The following UGT2A2 variants were observed in gnomAD, a reference collection of about 807,000 sequenced individuals.
The protein encoded by UGT2A2 is UDP glucuronosyltransferase family 2 member A2.
Under a neutral mutation model 50.7 loss-of-function variants are expected in UGT2A2, and 60 were observed. That is an observed-to-expected ratio of 1.18 (90% confidence interval 0.96 to 1.47). UGT2A2 has a LOEUF of 1.47. UGT2A2 is among the 40% of genes most tolerant of loss of function. UGT2A2 has a pLI of 0.00. For synonymous variants in UGT2A2, 242 were observed against 214.6 expected (o/e 1.13, Z -1.11); for missense variants, 762 against 634.0 (o/e 1.20, Z -2.17).
At position 69,639,632 on chromosome 4, in the gene UGT2A2, G is replaced by A. The variant is rs746988735; in HGVS notation, c.9C>T (p.Ser3=). 1 of 1,577,372 alleles carries A rather than the reference G, an allele frequency of 6.3e-7. No individual in the cohort carries two copies. Among genetic ancestry groups the A allele is most frequent in the Non-Finnish European group, 8.6e-7 (1 of 1,166,610 alleles). Residue 3 remains serine, a synonymous_variant, in exon 1 of 6, where the codon TCC becomes TCT. Transcript: ENST00000604629. MV[S]IRDFTMPKKF... The stretch of plus-strand genomic sequence containing the variant: ...TCTTAGGCATGGTAAAATCCCTTAT[G>A]GAAACCATCCTACTGTAGATCCTTC...
At chr4:69,614,341 T>C (rs1326604343) in intron 1 of UGT2A2, among the ~76,000 whole-genome samples, 1 of 151,816 alleles carries the variant, frequency 6.6e-6, no homozygotes, top group Non-Finnish European at 1.5e-5. Flanking sequence ...AAAATGAAAA[T>C]GTTTTCTGTT....
intron 1 of UGT2A2, among the ~76,000 whole-genome samples, chr4:69,622,299 G>A (rs1356826558): frequency 6.6e-6 from 1 of 151,534 alleles, no homozygotes; most frequent in East Asian, 1.9e-4. Context: ...ACACCACAAA[G>A]ATGGGAAATT....
In UGT2A2 at chr4:69,589,489, C is replaced by T. The variant is rs756622796; in HGVS notation, c.1494G>A (p.Leu498=). 1 of 1,613,886 alleles carries T rather than the reference C, an allele frequency of 6.2e-7. No homozygotes were observed. The highest frequency in any genetic ancestry group is 1.3e-5 in the African/African-American group (1 of 74,880). ...HDLTWFQYHS[L]DVIGFLLVCV... ...AGACCAGCAAGAACCCAATTACATC[C>T]AAAGAGTGGTACTGGAACCAGGTGA... Residue 498 remains leucine (L), a synonymous_variant, in exon 6 of 6, where the codon TTG becomes TTA. Coordinates refer to ENST00000604629, the MANE Select transcript of UGT2A2 (RefSeq NM_001105677.2).
At position 69,636,278 on chromosome 4, in the gene UGT2A2, C is replaced by T. The variant is rs141444205; in HGVS notation, c.742+2621G>A. ...GCTCTCCTGCGGTCAAACATAATTA[C>T]GTAAAATTGTGTATCTGCCCTCTTT... is the stretch of plus-strand genomic sequence containing the variant. On this transcript the variant is annotated intron_variant, in intron 1 of 5. Transcript: ENST00000604629. Among the ~76,000 whole-genome samples, 97 of 152,214 alleles carry T rather than the reference C, an allele frequency of 6.4e-4. 1 individual carries two copies. The East Asian group carries it at 6.4e-3, about 10-fold the overall frequency.
chr4:69,627,880 T>TA (rs973918615), intron 1 of UGT2A2, among the ~76,000 whole-genome samples: 2 of 151,982 alleles, frequency 1.3e-5, no homozygotes, highest in African/African-American at 2.4e-5. Context: ...AGAATGGAGA[T>TA]AAAAAATACT....
chr4:69,616,532 A>G (rs1720397081), intron 1 of UGT2A2, among the ~76,000 whole-genome samples: 1 of 151,972 alleles, frequency 6.6e-6, no homozygotes, highest in South Asian at 2.1e-4. Flanking sequence ...ATTAAAAATG[A>G]AAACTTAAAC....
intron 1 of UGT2A2, among the ~76,000 whole-genome samples, chr4:69,633,525 G>A (rs191158331): frequency 1.3e-4 from 20 of 152,210 alleles, no homozygotes; most frequent in African/African-American, 4.1e-4. Context: ...ATCATAAGGT[G>A]GCAAAACCAA....
intron 1 of UGT2A2, among the ~76,000 whole-genome samples, chr4:69,620,120 G>C (rs1192749791): frequency 6.6e-6 from 1 of 151,904 alleles, no homozygotes; most frequent in Non-Finnish European, 1.5e-5. Flanking sequence ...CATAGTACTG[G>C]AAGTCCTTCC....
intron 1 of UGT2A2, among the ~76,000 whole-genome samples, chr4:69,638,613 G>A (rs1721855962): frequency 6.6e-6 from 1 of 152,004 alleles, no homozygotes; most frequent in South Asian, 2.1e-4. Context: ...ATCCTAATAT[G>A]GGCACTTTCA....
chr4:69,589,749 C>A, intron 5 of UGT2A2, 98 bp from the exon 6 acceptor site: 1 of 1,473,614 alleles, frequency 6.8e-7, no homozygotes, highest in Non-Finnish European at 9.1e-7. Context: ...AGTTTAAGGC[C>A]ATAGTTACGT....
chr4:69,622,221 G>GAAA (rs1720794549), intron 1 of UGT2A2, among the ~76,000 whole-genome samples: 1 of 151,342 alleles, frequency 6.6e-6, no homozygotes, highest in Non-Finnish European at 1.5e-5. Flanking sequence ...GAAATTGAAA[G>GAAA]AAAAAAGTTA....
intron 1 of UGT2A2, among the ~76,000 whole-genome samples, chr4:69,620,765 A>G (rs1441755791): frequency 6.6e-6 from 1 of 152,114 alleles, no homozygotes; most frequent in East Asian, 1.9e-4. Context: ...CAGTAACCAA[A>G]ACAGTATGGC....
At chr4:69,598,851 C>A (rs1466480618) in intron 2 of UGT2A2, among the ~76,000 whole-genome samples, 1 of 152,070 alleles carries the variant, frequency 6.6e-6, no homozygotes, top group Non-Finnish European at 1.5e-5. Flanking sequence ...AAATGGAATT[C>A]ACCCAACAGT....
intron 1 of UGT2A2, among the ~76,000 whole-genome samples, chr4:69,615,592 C>T (rs958534495): frequency 4.0e-5 from 6 of 151,836 alleles, no homozygotes; most frequent in Non-Finnish European, 7.4e-5. Context: ...AAAAGAACAA[C>T]CAACAGGCAA....
Position 69,639,535 on chromosome 4 carries a change from G to T in UGT2A2, c.106C>A (p.Pro36Thr), listed in dbSNP as rs1401494747. The T allele has an allele frequency of 1.2e-6, 2 of 1,613,004 alleles. No individual in the cohort carries two copies. The highest frequency in any genetic ancestry group is 1.3e-5 in the African/African-American group (1 of 74,930). Residue 36 changes from proline (P) to threonine (T), a missense_variant, in exon 1 of 6, where the codon CCT becomes ACT. Physicochemically the swap from Pro to Thr is conservative, Grantham distance 38. Coordinates refer to ENST00000604629, the MANE Select transcript of UGT2A2 (RefSeq NM_001105677.2). ...TTTAACCAATGGCTACCATCTGTAG[G>T]CCAAATTAACACATTCCCACTTAGA... ...VVLSGNVLIWPTDGSHWLNIK... is the reference protein window; with the variant it reads ...VVLSGNVLIWTTDGSHWLNIK...
At chr4:69,629,677 A>G (rs1368229621) in intron 1 of UGT2A2, among the ~76,000 whole-genome samples, 2 of 152,074 alleles carry the variant, frequency 1.3e-5, no homozygotes, top group Non-Finnish European at 2.9e-5. Context: ...TATTAAATAA[A>G]TCCTGTACAA....
At chr4:69,613,966 G>A (rs1720217503) in intron 1 of UGT2A2, among the ~76,000 whole-genome samples, 2 of 152,014 alleles carry the variant, frequency 1.3e-5, no homozygotes, top group Non-Finnish European at 2.9e-5. Flanking sequence ...CATAGTAGTA[G>A]TCCTAGCCAG....
chr4:69,590,061 TGACA>T (rs746031378), intron 5 of UGT2A2, among the ~76,000 whole-genome samples: 5 of 152,308 alleles, frequency 3.3e-5, no homozygotes, highest in Non-Finnish European at 2.9e-5. Flanking sequence ...CTAGTTCATA[TGACA>T]GACAAAGGAA....
chr4:69,596,437 G>T (rs1216456038), intron 2 of UGT2A2, 56 bp from the exon 3 acceptor site: 1 of 1,419,248 alleles, frequency 7.0e-7, no homozygotes, highest in Non-Finnish European at 9.3e-7. Flanking sequence ...GAAAAAATAA[G>T]TTTACTTACA....
Sources: allele counts gnomAD v4.1 joint callset (sites outside exome capture counted in the v4.1 genomes callset), GRCh38; gene constraint gnomAD v4.1.1; transcripts MANE v1.5; gene names NCBI Gene and HGNC (gene_info 2026-07-23, HGNC 2026-07-21).